Variants in POU5F1 observed in about 807,000 individuals in gnomAD.
POU5F1 encodes the protein POU class 5 homeobox 1.
POU5F1 carries 6 observed loss-of-function variants against 38.3 expected under a neutral mutation model. That is an observed-to-expected ratio of 0.16 (90% CI 0.09 to 0.31). The LOEUF (loss-of-function observed/expected upper bound fraction) is 0.31. Ranked by LOEUF, POU5F1 falls within the 10% of genes least tolerant of loss-of-function variation. POU5F1 has a pLI of 1.00. For synonymous variants in POU5F1, 147 were observed against 194.9 expected (o/e 0.75, Z 2.05); for missense variants, 286 against 462.6 (o/e 0.62, Z 3.50).
At chr6:31,166,107 C>T in intron 1 of POU5F1, 60 bp from the exon 2 acceptor site, 1 of 1,614,216 alleles carries the variant, frequency 6.2e-7, no homozygotes, top group Non-Finnish European at 8.5e-7. Context: ...TCAATCTCCC[C>T]TTTCCATTCG....
In POU5F1 at chr6:31,165,886, T is replaced by C. The variant is rs45438402; in HGVS notation, c.526+41A>G. 129,572 of 1,612,156 alleles carry C rather than the reference T, an allele frequency of 0.08. 6,080 individuals carry two copies. Among genetic ancestry groups the C allele is most frequent in the Admixed American group, 0.15 (8,774 of 59,796 alleles). On this transcript the variant is annotated intron_variant, in intron 2 of 4. Coordinates refer to ENST00000259915, the MANE Select transcript of POU5F1 (RefSeq NM_002701.6). This position sits in a 1 kb window ranked among gnomAD's most constrained non-coding sequence, Gnocchi z 6.5. ...CCCCACTAGGTTCAGGGATACTCCT[T>C]AGAGGGGAGATGCGGTCAGAATCTG...
chr6:31,170,523 C>A lies in POU5F1; in HGVS notation c.98G>T (p.Arg33Leu). The A allele has an allele frequency of 6.3e-7, 1 of 1,587,468 alleles. No individual in the cohort carries two copies. The highest frequency in any genetic ancestry group is 8.6e-7 in the Non-Finnish European group (1 of 1,167,770). Residue 33 changes from arginine (R) to leucine (L), a missense_variant, in exon 1 of 5, where the codon CGG becomes CTG. By Grantham distance (102) the Arg-to-Leu change is moderately radical. Coordinates refer to ENST00000259915, the MANE Select transcript of POU5F1 (RefSeq NM_002701.6). ...AGGGCCTTGGAAGCTTAGCCAGGTC[C>A]GAGGATCAACCCAGCCCGGCTCCGG... ...GGPEPGWVDP[R>L]TWLSFQGPPG...
rs1777573514 is a variant in POU5F1 at position 31,170,365 on chromosome 6, G to T, written c.256C>A (p.Pro86Thr). The T allele has an allele frequency of 6.2e-7, 1 of 1,612,706 alleles. No homozygotes were observed. Among genetic ancestry groups the T allele is most frequent in the Non-Finnish European group, 8.5e-7 (1 of 1,179,842 alleles). The change falls in exon 1 of 5, where the codon CCC becomes ACC. Residue 86 changes from proline to threonine, a missense_variant. By Grantham distance (38) the Pro-to-Thr change is conservative (BLOSUM62 -1). Coordinates refer to ENST00000259915, the MANE Select transcript of POU5F1 (RefSeq NM_002701.6). ...TGAGAGGTCTCCAAGCCGCCTTGGGGCACTAGCCCCACTCCAACCTGGGGC... is the reference window on the plus strand; with the variant it reads ...TGAGAGGTCTCCAAGCCGCCTTGGGTCACTAGCCCCACTCCAACCTGGGGC... Reference protein sequence around the residue: ...CGPQVGVGLVPQGGLETSQPE... With the variant: ...CGPQVGVGLVTQGGLETSQPE...
At chr6:31,168,296 C>T (rs967277843) in intron 1 of POU5F1, among the ~76,000 whole-genome samples, 3 of 149,070 alleles carry the variant, frequency 2.0e-5, no homozygotes, top group Non-Finnish European at 3.0e-5. Context: ...AGTGCACTGG[C>T]GCGATCTCGG....
intron 1 of POU5F1, among the ~76,000 whole-genome samples, chr6:31,167,434 C>A (rs531699559): frequency 6.6e-6 from 1 of 151,694 alleles, no homozygotes; most frequent in Admixed American, 6.6e-5. Context: ...GCAGTCTGGG[C>A]GCAGTGGTCA....
At chr6:31,166,617 C>T in intron 1 of POU5F1, 4 of 1,110,078 alleles carry the variant, frequency 3.6e-6, no homozygotes, top group Non-Finnish European at 4.6e-6. Context: ...TGAGATCACG[C>T]CACTGCACTC....
chr6:31,170,105 C>G, intron 1 of POU5F1, 111 bp downstream of exon 1: 2 of 1,573,306 alleles, frequency 1.3e-6, no homozygotes, highest in Non-Finnish European at 1.7e-6. Context: ...CTGACCCTGC[C>G]TGCTCCTCTC....
chr6:31,170,637 C>T lies in POU5F1; in HGVS notation c.-17G>A, dbSNP rs1331675661. ...TCCCGCCATGGGGAAGGAAGGCGCCCCAAGCCGGGGGCCTGGTGAAATGAG... is the reference window on the plus strand; with the variant it reads ...TCCCGCCATGGGGAAGGAAGGCGCCTCAAGCCGGGGGCCTGGTGAAATGAG... On this transcript the variant is annotated 5_prime_UTR_variant, in exon 1 of 5. Coordinates refer to ENST00000259915, the MANE Select transcript of POU5F1 (RefSeq NM_002701.6). 1 of 1,541,632 alleles carries T rather than the reference C, an allele frequency of 6.5e-7. No individual in the cohort carries two copies. Among genetic ancestry groups the T allele is most frequent in the Non-Finnish European group, 8.8e-7 (1 of 1,142,822 alleles).
At chr6:31,169,855 G>A (rs9263810) in intron 1 of POU5F1, 22 of 381,384 alleles carry the variant, frequency 5.8e-5, no homozygotes, top group African/African-American at 4.3e-4. Flanking sequence ...CCAACCCCAA[G>A]CTGGGTCTGG....
chr6:31,164,350 C>T lies in POU5F1; in HGVS notation c.*251G>A. On this transcript the variant is annotated 3_prime_UTR_variant, in exon 5 of 5. Transcript: ENST00000259915. ...GACAAACCAAGATAAGTGTGTCTAT[C>T]TACTGTGTCCCAGGCTTCTTTATTT... is the stretch of plus-strand genomic sequence containing the variant. 3.4e-6 allele frequency: 4 copies of T among 1,169,902 alleles called. No homozygotes were observed. Among genetic ancestry groups the T allele is most frequent in the Non-Finnish European group, 4.7e-6 (4 of 850,882 alleles). 72.5% of individuals were successfully genotyped at this position (1,169,902 alleles called of 1,614,324 possible). A position where few individuals can be genotyped will look rare whatever the true frequency, so the allele number is the denominator to read the frequency against.
chr6:31,168,276 C>T (rs1777428157), intron 1 of POU5F1, among the ~76,000 whole-genome samples: 1 of 146,272 alleles, frequency 6.8e-6, no homozygotes, highest in African/African-American at 2.6e-5. Flanking sequence ...GCTTTTGTTG[C>T]CTAGGCTGGA....
intron 1 of POU5F1, chr6:31,166,316 A>G: frequency 6.7e-7 from 1 of 1,482,226 alleles, no homozygotes. Flanking sequence ...GCATCGTGAA[A>G]GGACAGAAAG....
At position 31,165,070 on chromosome 6, in the gene POU5F1, GAA is replaced by G; in HGVS notation, c.816+56_816+57del. The G allele has an allele frequency of 6.3e-7, 1 of 1,579,296 alleles. No homozygotes were observed. On this transcript the variant is annotated intron_variant, in intron 4 of 4. Transcript: ENST00000259915. This position sits in a 1 kb window ranked among gnomAD's most constrained non-coding sequence, Gnocchi z 6.5. Reference sequence around the variant, plus strand: ...AGCAGTTGGAGGAGCCAGAGCTAGGGAAAGCGAGGTGGTGACAGGGGAAAGAG... The same window carrying G: ...AGCAGTTGGAGGAGCCAGAGCTAGGGAGCGAGGTGGTGACAGGGGAAAGAG...
chr6:31,167,955 C>CG lies in POU5F1; in HGVS notation c.406-1909_406-1908insC, dbSNP rs374107772. Among the ~76,000 whole-genome samples, 473 of 151,080 alleles carry CG rather than the reference C, an allele frequency of 3.1e-3. 5 individuals are homozygous for CG. Among genetic ancestry groups the CG allele is most frequent in the Middle Eastern group, 0.01 (3 of 294 alleles). On this transcript the variant is annotated intron_variant, in intron 1 of 4. Coordinates refer to ENST00000259915, the MANE Select transcript of POU5F1 (RefSeq NM_002701.6). ...GAAATGATCTCTCACCCTTTTTCTC[C>CG]CCACCAAGACGGAATCTCGTTCTAT...
chr6:31,164,968 G>A, intron 4 of POU5F1, 101 bp from the exon 5 acceptor site: 6 of 1,552,670 alleles, frequency 3.9e-6, no homozygotes, highest in Non-Finnish European at 5.2e-6. Context: ...CCCTAGAGCA[G>A]TTAGAGGAGG....
chr6:31,167,390 T>TAA (rs145024548), intron 1 of POU5F1, among the ~76,000 whole-genome samples: 12,794 of 150,888 alleles, frequency 0.085, 659 homozygotes, highest in Middle Eastern at 0.16. Flanking sequence ...TGCCTCTATT[T>TAA]AAAATATATA....
At position 31,164,571 on chromosome 6, in the gene POU5F1, C is replaced by T; in HGVS notation, c.*30G>A. The T allele has an allele frequency of 4.4e-6, 7 of 1,585,360 alleles. No individual in the cohort carries two copies. The highest frequency in any genetic ancestry group is 5.1e-6 in the Non-Finnish European group (6 of 1,165,586). The stretch of plus-strand genomic sequence containing the variant: ...TCTTTCCCTAGCTCCTCCCCTCCCC[C>T]TGTCCCCCATTCCTAGAAGGGCAGG... On this transcript the variant is annotated 3_prime_UTR_variant, in exon 5 of 5. Coordinates refer to ENST00000259915, the MANE Select transcript of POU5F1 (RefSeq NM_002701.6).
Position 31,165,405 on chromosome 6 carries a change from C to G in POU5F1, c.658-119G>C. 8 of 1,560,822 alleles carry G rather than the reference C, an allele frequency of 5.1e-6. No homozygotes were observed. In the South Asian group the frequency reaches 9.3e-5, roughly 18 times the overall value. ...AGGTGGTGGTGTGAAAAGGCAGGAT[C>G]CTGGAAGGGTTGGCTCTGGACCTTA... On this transcript the variant is annotated intron_variant, in intron 3 of 4. Transcript: ENST00000259915. The surrounding 1 kb of genome is among the most constrained non-coding windows in gnomAD (Gnocchi z 6.5).
chr6:31,167,953 T>TCC (rs113860293), intron 1 of POU5F1, among the ~76,000 whole-genome samples: 26 of 150,894 alleles, frequency 1.7e-4, no homozygotes, highest in South Asian at 2.1e-4. Context: ...ACCCTTTTTC[T>TCC]CCCCACCAAG....
Sources: allele counts gnomAD v4.1 joint callset (sites outside exome capture counted in the v4.1 genomes callset), GRCh38; gene constraint gnomAD v4.1.1; non-coding constraint Gnocchi (gnomAD v3.1); transcripts MANE v1.5; gene names NCBI Gene and HGNC (gene_info 2026-07-23, HGNC 2026-07-21).